The following UBE2K variants were observed in gnomAD, a reference collection of about 807,000 sequenced individuals.
UBE2K encodes ubiquitin-conjugating enzyme E2 K.
UBE2K carries 6 observed loss-of-function variants against 30.0 expected under a neutral mutation model. That is an observed-to-expected ratio of 0.20 (90% confidence interval 0.11 to 0.39). The LOEUF (loss-of-function observed/expected upper bound fraction) is 0.39, where lower values mean the gene tolerates loss of function less well. Among genes scored for constraint, UBE2K ranks in the 10% least tolerant of loss-of-function variants. The pLI is 1.00. For synonymous variants in UBE2K, 86 were observed against 83.7 expected (o/e 1.03, Z -0.15); for missense variants, 61 against 241.6 (o/e 0.25, Z 4.96).
rs886853905 is a variant in UBE2K, at chr4:39,781,468, A to G, written c.*3034A>G. 6.5e-6 allele frequency: 1 copy of G among 153,300 alleles called. No homozygotes were observed. Among genetic ancestry groups the G allele is most frequent in the Non-Finnish European group, 1.5e-5 (1 of 68,836 alleles). 9.5% of individuals were successfully genotyped at this position (153,300 alleles called of 1,614,324 possible). ...ATTTATGCACTACAGAATGCAGCAT[A>G]CTGTATTACTGTTGAGGCTGCTTAA... On this transcript the variant is annotated 3_prime_UTR_variant, in exon 7 of 7. Transcript: ENST00000261427.
intron 1 of UBE2K, among the ~76,000 whole-genome samples, chr4:39,705,788 A>G (rs1264234194): frequency 1.3e-5 from 2 of 148,702 alleles, no homozygotes; most frequent in South Asian, 2.2e-4. Flanking sequence ...CCCAGGTTCA[A>G]CCAATACCTC....
intron 2 of UBE2K, among the ~76,000 whole-genome samples, chr4:39,743,852 C>G (rs184681593): frequency 6.6e-6 from 1 of 152,034 alleles, no homozygotes; most frequent in African/African-American, 2.4e-5. Flanking sequence ...TCAGTGTTTT[C>G]TTTTCTTTTT....
chr4:39,714,530 A>C (rs1186598651), intron 1 of UBE2K: 1 of 27,182 alleles, frequency 3.7e-5, no homozygotes, highest in African/African-American at 3.3e-4. Flanking sequence ...ATATATATAT[A>C]TATATATATA....
chr4:39,730,524 C>T (rs1720012127), intron 1 of UBE2K, among the ~76,000 whole-genome samples: 1 of 151,978 alleles, frequency 6.6e-6, no homozygotes, highest in Non-Finnish European at 1.5e-5. Context: ...AATCCCAGCA[C>T]TTTGGGAGGC....
At position 39,781,992 on chromosome 4, in the gene UBE2K, TCA is replaced by T; in HGVS notation, c.*3562_*3563del. Reference sequence around the variant, plus strand: ...TTTTCTTCAGTGTCTACATATTATGTCACACGTTCTATTTGCACTGCTGCAAT... The same window carrying T: ...TTTTCTTCAGTGTCTACATATTATGTCACGTTCTATTTGCACTGCTGCAAT... On this transcript the variant is annotated 3_prime_UTR_variant, in exon 7 of 7. Coordinates refer to ENST00000261427, the MANE Select transcript of UBE2K (RefSeq NM_005339.5). The T allele has an allele frequency of 5.0e-6, 2 of 398,418 alleles. No homozygotes were observed. The highest frequency in any genetic ancestry group is 8.9e-6 in the Non-Finnish European group (2 of 225,894). 24.7% of individuals were successfully genotyped at this position (398,418 alleles called of 1,614,324 possible).
At chr4:39,753,291 G>C (rs926949237) in intron 3 of UBE2K, among the ~76,000 whole-genome samples, 2 of 152,110 alleles carry the variant, frequency 1.3e-5, no homozygotes, top group African/African-American at 4.8e-5. Flanking sequence ...TTTTAAGATG[G>C]ATCACCTGAG....
At chr4:39,728,576 CTTCTTTCCT>C (rs1029285432) in intron 1 of UBE2K, among the ~76,000 whole-genome samples, 8 of 151,574 alleles carry the variant, frequency 5.3e-5, no homozygotes, top group Admixed American at 2.0e-4. Context: ...TTCTTCCTTT[CTTCTTTCCT>C]TTCTTTCCTT....
chr4:39,765,699 G>A (rs1444323176), intron 4 of UBE2K, among the ~76,000 whole-genome samples: 1 of 152,052 alleles, frequency 6.6e-6, no homozygotes, highest in Non-Finnish European at 1.5e-5. Context: ...GCATGCGACT[G>A]TAGTCCCAGC....
chr4:39,710,624 A>G (rs1340150665), intron 1 of UBE2K, among the ~76,000 whole-genome samples: 2 of 151,996 alleles, frequency 1.3e-5, no homozygotes, highest in African/African-American at 4.8e-5. Flanking sequence ...TTCTTGTTTC[A>G]CAGATCCAAC....
intron 4 of UBE2K, among the ~76,000 whole-genome samples, chr4:39,774,570 A>G (rs1281075720): frequency 1.3e-5 from 2 of 151,376 alleles, no homozygotes; most frequent in Admixed American, 6.6e-5. Context: ...CCGAGACTAT[A>G]CCACTGCACT....
intron 1 of UBE2K, among the ~76,000 whole-genome samples, chr4:39,708,988 C>T (rs1205663042): frequency 1.3e-5 from 2 of 150,294 alleles, no homozygotes; most frequent in Admixed American, 1.3e-4. Context: ...TTTTTTAACT[C>T]CTGAAGCATA....
intron 1 of UBE2K, among the ~76,000 whole-genome samples, chr4:39,735,845 A>T (rs1247922684): frequency 6.6e-6 from 1 of 152,226 alleles, no homozygotes; most frequent in African/African-American, 2.4e-5. Flanking sequence ...TGTAAAAAAA[A>T]GTACTAATTA....
chr4:39,745,883 AT>A, intron 3 of UBE2K, 73 bp downstream of exon 3: 1 of 1,136,036 alleles, frequency 8.8e-7, no homozygotes, highest in Non-Finnish European at 1.2e-6. Flanking sequence ...ATTAATATAT[AT>A]TTTAGGGCTT....
At chr4:39,732,111 G>A (rs1027485057) in intron 1 of UBE2K, among the ~76,000 whole-genome samples, 2 of 152,088 alleles carry the variant, frequency 1.3e-5, no homozygotes, top group African/African-American at 4.8e-5. Flanking sequence ...TCAAGAGTCA[G>A]CATATTACAA....
Position 39,781,211 on chromosome 4 carries a change from G to A in UBE2K, c.*2777G>A, listed in dbSNP as rs995197751. The A allele has an allele frequency of 6.6e-6, 1 of 152,100 alleles. No individual in the cohort carries two copies. Among genetic ancestry groups the A allele is most frequent in the Non-Finnish European group, 1.5e-5 (1 of 67,970 alleles). The allele number at this position is 152,100 out of a possible 1,614,324, so 9.4% of individuals were successfully genotyped here. The stretch of plus-strand genomic sequence containing the variant: ...GTGCTCTGAGTTGGCACCCCGAAAT[G>A]TTTGGAATCACGACTATGATTTACT... On this transcript the variant is annotated 3_prime_UTR_variant, in exon 7 of 7. Transcript: ENST00000261427.
intron 4 of UBE2K, among the ~76,000 whole-genome samples, chr4:39,771,826 ATAACT>A (rs961641597): frequency 6.2e-4 from 95 of 152,246 alleles, no homozygotes; most frequent in African/African-American, 2.0e-3. Context: ...GTTGTTGGCA[ATAACT>A]TAACTTTTTG....
chr4:39,752,325 C>CTT (rs1401945401), intron 3 of UBE2K, among the ~76,000 whole-genome samples: 2 of 63,304 alleles, frequency 3.2e-5, no homozygotes, highest in Admixed American at 1.9e-4. Context: ...TTTTTTTTTT[C>CTT]TTTTTTTTTC....
At chr4:39,770,104 C>T (rs1712678482) in intron 4 of UBE2K, 3 of 1,573,598 alleles carry the variant, frequency 1.9e-6, no homozygotes, top group East Asian at 2.3e-5. Flanking sequence ...ACATTAATCT[C>T]GGCCACACTG....
In UBE2K at chr4:39,714,517, C is replaced by CATCTATATATATATATATATATATAT. The variant is rs1553874880; in HGVS notation, c.63+16129_63+16130insCTATATATATATATATATATATATAT. On this transcript the variant is annotated intron_variant, in intron 1 of 6. Transcript: ENST00000261427. ...TGTCCTCCTTGTCTTTTAGAAGTTT[C>CATCTATATATATATATATATATATAT]ATATATATATATATATATATATATA... The CATCTATATATATATATATATATATAT allele has an allele frequency of 3.4e-4, 14 of 41,634 alleles. 4 individuals are homozygous for CATCTATATATATATATATATATATAT. The highest frequency in any genetic ancestry group is 9.3e-4 in the African/African-American group (7 of 7,528). 2.6% of individuals were successfully genotyped at this position (41,634 alleles called of 1,614,324 possible). A position where few individuals can be genotyped will look rare whatever the true frequency, so the allele number is the denominator to read the frequency against.
Sources: gnomAD v4.1 joint callset for allele counts (sites outside exome capture counted in the v4.1 genomes callset) on GRCh38, gnomAD v4.1.1 for gene constraint, MANE v1.5 for transcripts, NCBI Gene and HGNC (gene_info 2026-07-23, HGNC 2026-07-21) for gene names.